The following SGCZ variants were observed in gnomAD, a reference collection of about 807,000 sequenced individuals.
The protein encoded by SGCZ is zeta-sarcoglycan.
In SGCZ, 40 loss-of-function variants were observed where a neutral mutation model predicts 41.3. The observed-to-expected ratio is 0.97, with a 90% CI of 0.75 to 1.26. The LOEUF is 1.26. Ranked by LOEUF, SGCZ falls within the 50% of genes most tolerant of loss-of-function variation. SGCZ has a pLI of 0.00. For synonymous variants in SGCZ, 206 were observed against 137.5 expected (o/e 1.50, Z -3.49); for missense variants, 552 against 369.8 (o/e 1.49, Z -4.04).
At chr8:14,730,780 G>T (rs1309039861) in intron 1 of SGCZ, among the ~76,000 whole-genome samples, 1 of 151,736 alleles carries the variant, frequency 6.6e-6, no homozygotes, top group Non-Finnish European at 1.5e-5. Flanking sequence ...GAATGAAACT[G>T]ATGTTAAAAA....
At position 14,517,953 on chromosome 8, in the gene SGCZ, C is replaced by G. The variant is rs116032441; in HGVS notation, c.234+36779G>C. Among the ~76,000 whole-genome samples, 450 of 151,582 alleles carry G rather than the reference C, an allele frequency of 3.0e-3. 5 individuals carry two copies. Among genetic ancestry groups the G allele is most frequent in the African/African-American group, 0.01 (415 of 41,416 alleles). ...TATTTTTCTCTTTAAATAAACATTT[C>G]TATGATTTATTTGTTGATTTAACTT... On this transcript the variant is annotated intron_variant, in intron 2 of 7. Transcript: ENST00000382080.
At chr8:14,637,098 T>A (rs889453090) in intron 1 of SGCZ, among the ~76,000 whole-genome samples, 4 of 151,672 alleles carry the variant, frequency 2.6e-5, no homozygotes, top group Non-Finnish European at 5.9e-5. Context: ...CACCTATCAT[T>A]TTTTGCTCCT....
At chr8:14,295,152 T>C (rs1800967062) in intron 3 of SGCZ, among the ~76,000 whole-genome samples, 1 of 152,194 alleles carries the variant, frequency 6.6e-6, no homozygotes, top group South Asian at 2.1e-4. Context: ...ATAGCGGCTT[T>C]ATTTGTAATA....
intron 1 of SGCZ, among the ~76,000 whole-genome samples, chr8:14,996,934 T>C (rs1802239377): frequency 6.6e-6 from 1 of 152,204 alleles, no homozygotes; most frequent in Admixed American, 6.5e-5. Flanking sequence ...TATTCGTGGG[T>C]TAATAGAGGG....
intron 1 of SGCZ, among the ~76,000 whole-genome samples, chr8:14,605,643 G>A (rs1361895217): frequency 6.6e-6 from 1 of 151,978 alleles, no homozygotes; most frequent in South Asian, 2.1e-4. Context: ...CCACAAATTG[G>A]TACATTCTAG....
At chr8:14,291,870 T>C (rs1428452378) in intron 3 of SGCZ, among the ~76,000 whole-genome samples, 1 of 151,964 alleles carries the variant, frequency 6.6e-6, no homozygotes, top group Non-Finnish European at 1.5e-5. Context: ...CTTCTTCCAC[T>C]TACCAAAAAC....
At chr8:14,793,388 G>A (rs547968124) in intron 1 of SGCZ, among the ~76,000 whole-genome samples, 22 of 152,252 alleles carry the variant, frequency 1.4e-4, no homozygotes, top group African/African-American at 4.6e-4. Context: ...AAGATGGCAC[G>A]TAGCACAGAT....
intron 1 of SGCZ, among the ~76,000 whole-genome samples, chr8:14,919,640 G>C (rs1799533845): frequency 6.6e-6 from 1 of 151,832 alleles, no homozygotes; most frequent in African/African-American, 2.4e-5. Flanking sequence ...AAATCAAGCT[G>C]GGTGCGATGG....
intron 1 of SGCZ, among the ~76,000 whole-genome samples, chr8:14,594,796 G>A (rs551056053): frequency 2.9e-4 from 44 of 151,888 alleles, no homozygotes; most frequent in African/African-American, 9.7e-4. Context: ...AGTGTTTCCT[G>A]ATTAAAGAGA....
chr8:14,754,009 C>T (rs1799581372), intron 1 of SGCZ, among the ~76,000 whole-genome samples: 1 of 152,048 alleles, frequency 6.6e-6, no homozygotes, highest in Admixed American at 6.6e-5. Context: ...CAATTCAGGG[C>T]TATCTCATAT....
rs140383522 is a variant in SGCZ, at chr8:14,788,916, G to A, written c.40-233990C>T. On this transcript the variant is annotated intron_variant, in intron 1 of 7. Coordinates refer to ENST00000382080, the MANE Select transcript of SGCZ (RefSeq NM_139167.4). ...GCTCGGGGCCAGGAGTTTGACACCA[G>A]CCTGGGCAATATAGCTAGACTCTGT... is the stretch of plus-strand genomic sequence containing the variant. Among the ~76,000 whole-genome samples the A allele has an allele frequency of 2.8e-3, 430 of 152,140 alleles. 2 individuals carry two copies. Among genetic ancestry groups the A allele is most frequent in the African/African-American group, 9.8e-3 (408 of 41,518 alleles).
At chr8:15,156,956 A>AG (rs1563155844) in intron 1 of SGCZ, among the ~76,000 whole-genome samples, 1 of 151,630 alleles carries the variant, frequency 6.6e-6, no homozygotes, top group East Asian at 1.9e-4. Flanking sequence ...AAAAAAAAAA[A>AG]AAAGAAAAGA....
chr8:14,203,517 G>C (rs367933775), intron 4 of SGCZ, among the ~76,000 whole-genome samples: 2 of 151,932 alleles, frequency 1.3e-5, no homozygotes, highest in East Asian at 1.9e-4. Flanking sequence ...TATTTCACTG[G>C]ATTCAATTTA....
chr8:15,222,860 A>G (rs1489408185), intron 1 of SGCZ, among the ~76,000 whole-genome samples: 1 of 152,008 alleles, frequency 6.6e-6, no homozygotes, highest in Non-Finnish European at 1.5e-5. Flanking sequence ...AAGCAATAGT[A>G]CTCACTAACA....
intron 3 of SGCZ, chr8:14,309,367 A>G: frequency 1.9e-6 from 3 of 1,604,728 alleles, no homozygotes; most frequent in Non-Finnish European, 1.7e-6. Flanking sequence ...GGCTAATTAC[A>G]TTGAACAGTC....
chr8:15,078,261 C>A (rs78160555), intron 1 of SGCZ, among the ~76,000 whole-genome samples: 1 of 145,464 alleles, frequency 6.9e-6, no homozygotes. Flanking sequence ...CAGATTTCAG[C>A]GAACTAAGCA....
At chr8:15,123,816 A>T (rs1300078545) in intron 1 of SGCZ, among the ~76,000 whole-genome samples, 4 of 152,232 alleles carry the variant, frequency 2.6e-5, no homozygotes, top group Admixed American at 6.5e-5. Context: ...AACAACATCA[A>T]TCGCAGACTG....
At chr8:14,654,145 T>C (rs1044573926) in intron 1 of SGCZ, among the ~76,000 whole-genome samples, 13 of 151,712 alleles carry the variant, frequency 8.6e-5, no homozygotes, top group Admixed American at 3.9e-4. Flanking sequence ...AGTAGTAGAA[T>C]AGAAACCTAC....
At chr8:14,532,830 A>G (rs2117129717) in intron 2 of SGCZ, among the ~76,000 whole-genome samples, 1 of 151,620 alleles carries the variant, frequency 6.6e-6, no homozygotes, top group Admixed American at 6.6e-5. Flanking sequence ...CACTACTAAT[A>G]ATTTGAATGA....
Sources: gnomAD v4.1 joint callset for allele counts (sites outside exome capture counted in the v4.1 genomes callset) on GRCh38, gnomAD v4.1.1 for gene constraint, MANE v1.5 for transcripts, NCBI Gene and HGNC (gene_info 2026-07-23, HGNC 2026-07-21) for gene names.